The following RASGRF2 variants were observed in gnomAD, a reference collection of about 807,000 sequenced individuals.
RASGRF2 encodes ras-specific guanine nucleotide-releasing factor 2.
Under a neutral mutation model 151.0 loss-of-function variants are expected in RASGRF2, and 76 were observed. The observed-to-expected ratio is 0.50, with a 90% CI of 0.42 to 0.61. The LOEUF (loss-of-function observed/expected upper bound fraction) is 0.61. RASGRF2 is among the 20% of genes least tolerant of loss of function. RASGRF2 has a pLI of 0.00. For missense variants in RASGRF2, 1,148 were observed against 1,564.6 expected, an observed-to-expected ratio of 0.73 and a Z score of 4.49; for synonymous variants, 504 against 566.5, an observed-to-expected ratio of 0.89 and a Z score of 1.57.
At chr5:80,977,483 A>G (rs151293744) in intron 1 of RASGRF2, among the ~76,000 whole-genome samples, 2 of 102,708 alleles carry the variant, frequency 1.9e-5, no homozygotes, top group Non-Finnish European at 4.6e-5. Flanking sequence ...ATTTATTGAG[A>G]TGGAATTTTG....
chr5:81,055,781 G>A (rs905815114), intron 2 of RASGRF2, among the ~76,000 whole-genome samples: 3 of 152,094 alleles, frequency 2.0e-5, no homozygotes, highest in African/African-American at 7.2e-5. Flanking sequence ...TGGTTGGTAG[G>A]CTATTAATTA....
chr5:80,972,247 A>G (rs1319505943), intron 1 of RASGRF2, among the ~76,000 whole-genome samples: 1 of 152,190 alleles, frequency 6.6e-6, no homozygotes, highest in South Asian at 2.1e-4. Context: ...ATTCAGCTTC[A>G]ATAATTTTTG....
At chr5:80,996,471 T>TTTCTTCTTCTTCTTCTTCTTC (rs530555928) in intron 1 of RASGRF2, among the ~76,000 whole-genome samples, 1,125 of 38,342 alleles carry the variant, frequency 0.029, 239 homozygotes, top group Admixed American at 0.086. Flanking sequence ...ATGTGTAAAG[T>TTTCTTCTTCTTCTTCTTCTTC]TTCTTCTTCT....
At chr5:81,055,456 C>T (rs1191985766) in intron 2 of RASGRF2, among the ~76,000 whole-genome samples, 1 of 152,128 alleles carries the variant, frequency 6.6e-6, no homozygotes, top group East Asian at 1.9e-4. Context: ...GTTGAACCAG[C>T]CTTGCATCCC....
chr5:80,982,970 A>G (rs927867193), intron 1 of RASGRF2, among the ~76,000 whole-genome samples: 1 of 152,176 alleles, frequency 6.6e-6, no homozygotes, highest in Non-Finnish European at 1.5e-5. Flanking sequence ...GGTCTCCACA[A>G]AAATTTGCAG....
At chr5:80,995,261 A>AC (rs1359287524) in intron 1 of RASGRF2, among the ~76,000 whole-genome samples, 1 of 150,978 alleles carries the variant, frequency 6.6e-6, no homozygotes, top group African/African-American at 2.4e-5. Context: ...GTCTCAAAAA[A>AC]AAAAAAAAAA....
intron 17 of RASGRF2, among the ~76,000 whole-genome samples, chr5:81,175,755 C>CAAAAAAAAAAAAAAAAAAA: frequency 1.0e-5 from 1 of 99,548 alleles, no homozygotes; most frequent in African/African-American, 3.7e-5. Flanking sequence ...AACTCCGTCT[C>CAAAAAAAAAAAAAAAAAAA]AAAAAAAAAA....
chr5:81,006,635 G>A (rs1749278382), intron 1 of RASGRF2, among the ~76,000 whole-genome samples: 1 of 152,072 alleles, frequency 6.6e-6, no homozygotes, highest in Non-Finnish European at 1.5e-5. Flanking sequence ...CTGATGCCCC[G>A]AACTATGGTG....
intron 9 of RASGRF2, among the ~76,000 whole-genome samples, chr5:81,091,474 G>A (rs979122671): frequency 1.3e-5 from 2 of 152,086 alleles, no homozygotes; most frequent in African/African-American, 4.8e-5. Context: ...TTTAGGCCCA[G>A]AATAGCTGCC....
chr5:81,131,290 C>A (rs1753611212), intron 17 of RASGRF2, among the ~76,000 whole-genome samples: 1 of 152,094 alleles, frequency 6.6e-6, no homozygotes, highest in Non-Finnish European at 1.5e-5. Context: ...TTGGGATTGC[C>A]TGCCCTGCTG....
At chr5:81,089,976 G>A (rs900881796) in intron 9 of RASGRF2, among the ~76,000 whole-genome samples, 40 of 152,154 alleles carry the variant, frequency 2.6e-4, no homozygotes, top group Non-Finnish European at 8.8e-5. Context: ...CTGACATTTT[G>A]TACAAAATCT....
At chr5:81,076,174 T>G (rs1316872678) in intron 5 of RASGRF2, among the ~76,000 whole-genome samples, 1 of 151,964 alleles carries the variant, frequency 6.6e-6, no homozygotes, top group Non-Finnish European at 1.5e-5. Flanking sequence ...GAACAGGTGG[T>G]GGGGCGGAGG....
chr5:81,143,762 C>T (rs1753939958), intron 17 of RASGRF2, among the ~76,000 whole-genome samples: 1 of 151,770 alleles, frequency 6.6e-6, no homozygotes, highest in Admixed American at 6.6e-5. Flanking sequence ...TGGTGGTGCA[C>T]ACCTGTAATC....
rs1747522906 is a variant in RASGRF2, at chr5:80,960,822, C to T, written c.84C>T (p.Phe28=). 6.2e-7 allele frequency: 1 copy of T among 1,613,522 alleles called. No individual in the cohort carries two copies. Residue 28 remains phenylalanine, a synonymous_variant, in exon 1 of 27, where the codon TTC becomes TTT. Coordinates refer to ENST00000265080, the MANE Select transcript of RASGRF2 (RefSeq NM_006909.3). This position sits in a 1 kb window ranked among gnomAD's most constrained non-coding sequence, Gnocchi z 5.5. ...LARKEGTKRG[F]LSKKTAEASR... is the part of the protein sequence containing the mutation. ...GCAAGGAGGGCACCAAGCGCGGCTTCCTGAGTAAGAAGACGGCCGAGGCGA... is the reference window on the plus strand; with the variant it reads ...GCAAGGAGGGCACCAAGCGCGGCTTTCTGAGTAAGAAGACGGCCGAGGCGA...
intron 1 of RASGRF2, among the ~76,000 whole-genome samples, chr5:81,024,430 T>C (rs1749944639): frequency 6.6e-6 from 1 of 151,736 alleles, no homozygotes; most frequent in African/African-American, 2.4e-5. Flanking sequence ...AGGCTAATTT[T>C]TGTATTTTTA....
intron 18 of RASGRF2, among the ~76,000 whole-genome samples, chr5:81,182,629 G>A (rs1754943913): frequency 1.3e-5 from 2 of 152,142 alleles, no homozygotes; most frequent in African/African-American, 4.8e-5. Flanking sequence ...CTTGGTGATG[G>A]ATTGGTAAAT....
intron 1 of RASGRF2, among the ~76,000 whole-genome samples, chr5:81,036,637 G>A (rs1269202429): frequency 6.6e-6 from 1 of 151,982 alleles, no homozygotes; most frequent in Non-Finnish European, 1.5e-5. Flanking sequence ...AAATACTTAA[G>A]GACATTGTAT....
At chr5:81,207,482 C>G in intron 21 of RASGRF2, 133 bp downstream of exon 21, 1 of 737,816 alleles carries the variant, frequency 1.4e-6, no homozygotes, top group Non-Finnish European at 2.2e-6. Flanking sequence ...TTGTTTCCAT[C>G]CATGGAACTG....
intron 1 of RASGRF2, among the ~76,000 whole-genome samples, chr5:81,036,770 AT>A (rs1471005911): frequency 6.6e-6 from 1 of 151,894 alleles, no homozygotes; most frequent in Non-Finnish European, 1.5e-5. Flanking sequence ...TCATTCAGAG[AT>A]TTTCCTATGT....
Sources: gnomAD v4.1 joint callset for allele counts (sites outside exome capture counted in the v4.1 genomes callset) on GRCh38, gnomAD v4.1.1 for gene constraint, Gnocchi (gnomAD v3.1) non-coding constraint, MANE v1.5 for transcripts, NCBI Gene and HGNC (gene_info 2026-07-23, HGNC 2026-07-21) for gene names.